The following DNAJC6 variants were observed in gnomAD, a reference collection of about 807,000 sequenced individuals.
The protein encoded by DNAJC6 is auxilin.
In DNAJC6, 34 loss-of-function variants were observed where a neutral mutation model predicts 110.0. The ratio of observed to expected loss-of-function variants is 0.31; its 90% CI spans 0.24 to 0.41. The LOEUF (loss-of-function observed/expected upper bound fraction) is 0.41. DNAJC6 is among the 10% of genes least tolerant of loss of function. The probability of loss-of-function intolerance (pLI) is 1.00; values close to 1 mark genes in which losing one functional copy is unlikely to be tolerated. For missense variants in DNAJC6, 1,031 were observed against 1,207.8 expected (o/e 0.85, Z 2.17); for synonymous variants, 406 against 437.2 (o/e 0.93, Z 0.89).
chr1:65,321,732 A>G (rs935847875), intron 1 of DNAJC6, among the ~76,000 whole-genome samples: 5 of 152,196 alleles, frequency 3.3e-5, no homozygotes, highest in African/African-American at 4.8e-5. Flanking sequence ...AGAAGGTTCA[A>G]TTAGGTTCAA....
At chr1:65,366,536 A>G (rs1205624559) in intron 4 of DNAJC6, among the ~76,000 whole-genome samples, 1 of 152,178 alleles carries the variant, frequency 6.6e-6, no homozygotes, top group Non-Finnish European at 1.5e-5. Context: ...ATGCTGTTAC[A>G]CTAATTATGC....
At chr1:65,360,698 A>T (rs1645588930) in intron 1 of DNAJC6, among the ~76,000 whole-genome samples, 1 of 152,222 alleles carries the variant, frequency 6.6e-6, no homozygotes, top group Non-Finnish European at 1.5e-5. Flanking sequence ...AACAGGACAC[A>T]AGAGAGCATT....
At chr1:65,377,266 G>C (rs538956048) in intron 4 of DNAJC6, among the ~76,000 whole-genome samples, 1 of 152,236 alleles carries the variant, frequency 6.6e-6, no homozygotes, top group African/African-American at 2.4e-5. Flanking sequence ...ATACATTGCA[G>C]ACAGAAAGGA....
chr1:65,358,193 A>C (rs908150840), intron 1 of DNAJC6, among the ~76,000 whole-genome samples: 20 of 151,694 alleles, frequency 1.3e-4, no homozygotes, highest in Admixed American at 2.6e-4. Flanking sequence ...AAAAAAAAAA[A>C]AAAAAAACAA....
At chr1:65,371,086 G>A (rs767266810) in intron 4 of DNAJC6, among the ~76,000 whole-genome samples, 2 of 152,310 alleles carry the variant, frequency 1.3e-5, no homozygotes, top group African/African-American at 4.8e-5. Context: ...TGAATTGAAT[G>A]TCTTAACCCT....
intron 1 of DNAJC6, among the ~76,000 whole-genome samples, chr1:65,303,295 C>A (rs1313859106): frequency 6.6e-6 from 1 of 152,112 alleles, no homozygotes. Flanking sequence ...GCTCAAAATA[C>A]GTGAATAATA....
chr1:65,392,677 C>T lies in DNAJC6; in HGVS notation c.1715C>T (p.Ala572Val), dbSNP rs141779215. The part of the protein sequence containing the change: ...SAMSNSFSPP[A>V]APPTNSELLS... ...ATGAGTAACAGCTTCTCTCCGCCAG[C>T]GGCTCCTCCCACCAATTCTGAACTA... The change falls in exon 12 of 19, where the codon GCG (alanine) becomes GTG (valine). Residue 572 changes from alanine to valine, a missense_variant. Transcript: ENST00000371069. 2.2e-5 allele frequency: 36 copies of T among 1,612,270 alleles called. No homozygotes were observed. In the Admixed American group the frequency reaches 2.8e-4, roughly 13 times the overall value.
Position 65,398,736 on chromosome 1 carries a change from G to C in DNAJC6, c.2039-77G>C, listed in dbSNP as rs899138448. On this transcript the variant is annotated intron_variant, in intron 13 of 18. Transcript: ENST00000371069. ...CCATGCAGGCTTCAGGGATGGAATG[G>C]CATTATCCTGTGTGAACTCAGAAAA... The C allele has an allele frequency of 8.1e-5, 120 of 1,476,404 alleles. No homozygotes were observed. The Admixed American group carries it at 2.0e-3, about 25-fold the overall frequency. The allele number at this position is 1,476,404 out of a possible 1,614,324, so 91.5% of individuals were successfully genotyped here.
At chr1:65,388,670 C>A (rs1405494139) in intron 9 of DNAJC6, among the ~76,000 whole-genome samples, 2 of 152,186 alleles carry the variant, frequency 1.3e-5, no homozygotes, top group African/African-American at 4.8e-5. Context: ...GTAAACAAAG[C>A]GGGACAAAGT....
chr1:65,278,533 C>T (rs549032941), intron 1 of DNAJC6, among the ~76,000 whole-genome samples: 1 of 152,320 alleles, frequency 6.6e-6, no homozygotes, highest in South Asian at 2.1e-4. Flanking sequence ...CAGAAATAGT[C>T]TGTTACTTAA....
At chr1:65,338,041 C>G (rs1196134053) in intron 1 of DNAJC6, among the ~76,000 whole-genome samples, 1 of 152,138 alleles carries the variant, frequency 6.6e-6, no homozygotes, top group African/African-American at 2.4e-5. Context: ...ATCTTAGAAT[C>G]AGCCACTTTT....
chr1:65,313,095 C>A (rs936666407), intron 1 of DNAJC6, among the ~76,000 whole-genome samples: 1 of 152,042 alleles, frequency 6.6e-6, no homozygotes, highest in Non-Finnish European at 1.5e-5. Context: ...CTCCATTGCC[C>A]AGGCTGGAGT....
At chr1:65,391,668 G>T (rs771312913) in intron 11 of DNAJC6, among the ~76,000 whole-genome samples, 13 of 147,826 alleles carry the variant, frequency 8.8e-5, no homozygotes, top group Non-Finnish European at 1.6e-4. Flanking sequence ...CCCGGCCAAA[G>T]CACCTAGCAT....
intron 1 of DNAJC6, among the ~76,000 whole-genome samples, chr1:65,303,732 G>T (rs1013220567): frequency 7.9e-5 from 12 of 151,808 alleles, no homozygotes; most frequent in Non-Finnish European, 1.5e-4. Flanking sequence ...CTAATTTTTT[G>T]TTTGTTTGTT....
intron 16 of DNAJC6, among the ~76,000 whole-genome samples, chr1:65,407,313 C>T (rs994941679): frequency 5.9e-5 from 9 of 152,162 alleles, no homozygotes; most frequent in Admixed American, 3.9e-4. Flanking sequence ...TAGGTGTCCA[C>T]TGGGGGTCTT....
At chr1:65,266,702 A>G (rs963614091) in intron 1 of DNAJC6, among the ~76,000 whole-genome samples, 1 of 152,122 alleles carries the variant, frequency 6.6e-6, no homozygotes, top group Admixed American at 6.5e-5. Context: ...GAGAAAAAAA[A>G]AATTGCTTAT....
rs373662535 is a variant in DNAJC6 at position 65,364,790 on chromosome 1, G to T, written c.344+5G>T. On this transcript the variant is annotated splice_donor_5th_base_variant and intron_variant, in intron 2 of 18. Coordinates refer to ENST00000371069, the MANE Select transcript of DNAJC6 (RefSeq NM_001256864.2). ...AGTGATACAATCTGTGACCAGGTAC[G>T]CACATTCTTCCCAGTTAATTTAGTG... 6.2e-7 allele frequency: 1 copy of T among 1,611,510 alleles called. No homozygotes were observed. The highest frequency in any genetic ancestry group is 1.7e-5 in the Admixed American group (1 of 59,814).
intron 5 of DNAJC6, 60 bp from the exon 6 acceptor site, chr1:65,384,133 T>C: frequency 7.4e-7 from 1 of 1,349,514 alleles, no homozygotes. Flanking sequence ...TCTGCCATTT[T>C]CAATGGAGAA....
chr1:65,363,770 A>G (rs1438863795), intron 1 of DNAJC6, among the ~76,000 whole-genome samples: 1 of 152,162 alleles, frequency 6.6e-6, no homozygotes, highest in Non-Finnish European at 1.5e-5. Flanking sequence ...TATTTAGCCT[A>G]AAATGTCAAT....
Sources: gnomAD v4.1 joint callset for allele counts (sites outside exome capture counted in the v4.1 genomes callset) on GRCh38, gnomAD v4.1.1 for gene constraint, MANE v1.5 for transcripts, NCBI Gene and HGNC (gene_info 2026-07-23, HGNC 2026-07-21) for gene names.